The following RYR3 variants were observed in gnomAD, a reference collection of about 807,000 sequenced individuals.
RYR3 encodes ryanodine receptor 3.
A neutral mutation model predicts 584.3 loss-of-function variants in RYR3; 207 were observed. The ratio of observed to expected loss-of-function variants is 0.35; its 90% CI spans 0.32 to 0.40. The LOEUF is 0.40. Ranked by LOEUF, RYR3 falls within the 10% of genes least tolerant of loss-of-function variation. RYR3 has a pLI of 1.00. For synonymous variants in RYR3, 2,416 were observed against 2,248.5 expected (o/e 1.07, Z -2.11); for missense variants, 5,616 against 6,089.2 (o/e 0.92, Z 2.59).
At chr15:33,416,513 CCTT>C (rs1419208252) in intron 1 of RYR3, among the ~76,000 whole-genome samples, 8 of 151,924 alleles carry the variant, frequency 5.3e-5, no homozygotes, top group African/African-American at 1.9e-4. Flanking sequence ...AAATGTCTGT[CCTT>C]CGCTTACTTT....
intron 2 of RYR3, among the ~76,000 whole-genome samples, chr15:33,500,205 A>G (rs914812045): frequency 6.6e-6 from 1 of 152,238 alleles, no homozygotes. Flanking sequence ...AAGCCAAAAC[A>G]GACTGCAGTT....
chr15:33,590,640 G>GT (rs71117154), intron 16 of RYR3, among the ~76,000 whole-genome samples: 15,802 of 144,844 alleles, frequency 0.11, 980 homozygotes, highest in Middle Eastern at 0.22. Context: ...TTTTCATAGG[G>GT]TTTTTTTTTT....
At position 33,818,441 on chromosome 15, in the gene RYR3, A is replaced by G. The variant is rs927535385; in HGVS notation, c.10600-137A>G. On this transcript the variant is annotated intron_variant, in intron 75 of 103. Coordinates refer to ENST00000634891, the MANE Select transcript of RYR3 (RefSeq NM_001036.6). ...AGGGCTTCTATCCTGAAATAAATAC[A>G]TGACGTAGTGGTTTTGTTTTGTGCT... 3 of 625,918 alleles carry G rather than the reference A, an allele frequency of 4.8e-6. No homozygotes were observed. The African/African-American group carries it at 5.5e-5, about 12-fold the overall frequency. The allele number at this position is 625,918 out of a possible 1,614,324, so 38.8% of individuals were successfully genotyped here.
intron 48 of RYR3, among the ~76,000 whole-genome samples, chr15:33,732,246 G>A (rs2069021803): frequency 6.6e-6 from 1 of 151,560 alleles, no homozygotes; most frequent in Admixed American, 6.6e-5. Flanking sequence ...AAAATAGCCG[G>A]GTATGGTGGC....
chr15:33,695,071 C>T (rs990306976), intron 38 of RYR3, among the ~76,000 whole-genome samples: 6 of 152,204 alleles, frequency 3.9e-5, no homozygotes, highest in African/African-American at 1.2e-4. Flanking sequence ...GTTTACTCCC[C>T]TTTCTTTCAC....
rs2073860024 is a variant in RYR3 at position 33,774,535 on chromosome 15, A to G, written c.9137+920A>G. Among the ~76,000 whole-genome samples, 4 of 152,352 alleles carry G rather than the reference A, an allele frequency of 2.6e-5. 1 individual carries two copies. The South Asian group carries it at 8.3e-4, about 32-fold the overall frequency. ...AGTTTCTCAATATAGCCAAAGATGA[A>G]ATAAAAGACTTCAGCCCCTTCAAGA... is the stretch of plus-strand genomic sequence containing the variant. On this transcript the variant is annotated intron_variant, in intron 64 of 103. Transcript: ENST00000634891.
At chr15:33,603,483 A>G in intron 18 of RYR3, 119 bp downstream of exon 18, 1 of 1,078,586 alleles carries the variant, frequency 9.3e-7, no homozygotes, top group South Asian at 1.6e-5. Flanking sequence ...GTCTCAACTA[A>G]TTAAACGGTT....
At chr15:33,527,605 G>T (rs55909166) in intron 3 of RYR3, among the ~76,000 whole-genome samples, 36,782 of 148,008 alleles carry the variant, frequency 0.25, 8,126 homozygotes, top group African/African-American at 0.6. Flanking sequence ...AAAAAAAGGC[G>T]TATCATATTT....
chr15:33,404,342 C>T (rs555609602), intron 1 of RYR3, among the ~76,000 whole-genome samples: 1 of 152,262 alleles, frequency 6.6e-6, no homozygotes, highest in African/African-American at 2.4e-5. Flanking sequence ...TCCCTTCTTA[C>T]CAACTAAAAA....
chr15:33,688,565 TCC>T, intron 38 of RYR3, among the ~76,000 whole-genome samples: 1 of 115,956 alleles, frequency 8.6e-6, no homozygotes. Flanking sequence ...AGAGCGAGAC[TCC>T]ATCTCAAAAA....
chr15:33,477,868 C>T (rs56341653), intron 2 of RYR3, among the ~76,000 whole-genome samples: 1 of 80,054 alleles, frequency 1.2e-5, no homozygotes, highest in East Asian at 3.7e-4. Context: ...GAGCGAGATT[C>T]TGTCTCAAGA....
Position 33,841,910 on chromosome 15 carries a change from G to T in RYR3, c.13084G>T (p.Ala4362Ser). Residue 4362 changes from alanine (A) to serine (S), a missense_variant, in exon 91 of 104, where the codon GCT becomes TCT. By Grantham distance (99) the Ala-to-Ser change is moderately conservative. Around this residue, in one of 9 missense-constraint regions of RYR3, gnomAD observed 918 missense variants for 887.4 expected, o/e 1.03. Transcript: ENST00000634891. ...KEDKDKEEEQ[A>S]EYLWTEVTKK... ...AGACAAAGACAAAGAAGAGGAGCAAGCTGAGTACCTGTGGACAGAAGTGAC... is the reference window on the plus strand; with the variant it reads ...AGACAAAGACAAAGAAGAGGAGCAATCTGAGTACCTGTGGACAGAAGTGAC... The T allele has an allele frequency of 1.9e-6, 3 of 1,597,458 alleles. No homozygotes were observed. The highest frequency in any genetic ancestry group is 1.7e-6 in the Non-Finnish European group (2 of 1,171,972).
At chr15:33,420,690 C>T (rs2044176898) in intron 1 of RYR3, among the ~76,000 whole-genome samples, 1 of 151,870 alleles carries the variant, frequency 6.6e-6, no homozygotes, top group Non-Finnish European at 1.5e-5. Context: ...AAAACAATCT[C>T]ACAAATTTTA....
intron 19 of RYR3, among the ~76,000 whole-genome samples, 182 bp downstream of exon 19, chr15:33,613,557 C>T (rs1227511269): frequency 6.6e-6 from 1 of 152,202 alleles, no homozygotes; most frequent in Non-Finnish European, 1.5e-5. Flanking sequence ...ACTGGTAGAA[C>T]CTCCCCCAGG....
chr15:33,741,758 C>T (rs2152836838), intron 51 of RYR3, among the ~76,000 whole-genome samples: 1 of 152,210 alleles, frequency 6.6e-6, no homozygotes, highest in Middle Eastern at 3.4e-3. Flanking sequence ...GGACCACAGG[C>T]ACCAGCCACT....
intron 31 of RYR3, among the ~76,000 whole-genome samples, chr15:33,650,901 A>G (rs1230011464): frequency 1.3e-5 from 2 of 152,254 alleles, no homozygotes; most frequent in Non-Finnish European, 2.9e-5. Context: ...GAGAGAGCCA[A>G]AATAGATGCT....
At chr15:33,732,951 A>G (rs1043176594) in intron 48 of RYR3, among the ~76,000 whole-genome samples, 11 of 152,298 alleles carry the variant, frequency 7.2e-5, no homozygotes, top group South Asian at 2.1e-4. Context: ...ATTACTATGC[A>G]TTGGGGAGCT....
rs1274169799 is a variant in RYR3, at chr15:33,854,385, C to G, written c.13800-4C>G. 3.8e-6 allele frequency: 6 copies of G among 1,567,146 alleles called. No homozygotes were observed. Among genetic ancestry groups the G allele is most frequent in the Admixed American group, 1.9e-5 (1 of 52,642 alleles). On this transcript the variant is annotated splice_polypyrimidine_tract_variant and splice_region_variant and intron_variant, in intron 96 of 103. Transcript: ENST00000634891. ...AAGTTTTAAAATCACTTGTTCTTCT[C>G]TAGGCTAAGTTCCATAGACATGAAG...
chr15:33,533,120 AAAT>A (rs544381537), intron 4 of RYR3, among the ~76,000 whole-genome samples, 188 bp from the exon 5 acceptor site: 10 of 152,280 alleles, frequency 6.6e-5, no homozygotes, highest in Non-Finnish European at 1.0e-4. Flanking sequence ...CTGACTCTAA[AAAT>A]AATAATAATA....
Sources: gnomAD v4.1 joint callset for allele counts (sites outside exome capture counted in the v4.1 genomes callset) on GRCh38, gnomAD v4.1.1 for gene constraint, gnomAD v4.1.1 regional missense constraint, MANE v1.5 for transcripts, NCBI Gene and HGNC (gene_info 2026-07-23, HGNC 2026-07-21) for gene names.